Variants in MANBAL observed in about 807,000 individuals in gnomAD.
MANBAL encodes the protein protein MANBAL.
A neutral mutation model predicts 6.4 loss-of-function variants in MANBAL; 1 was observed. That is an observed-to-expected ratio of 0.16 (90% CI 0.06 to 0.74). MANBAL has a LOEUF of 0.74. MANBAL is among the 30% of genes least tolerant of loss of function. The pLI, the probability that MANBAL is intolerant of heterozygous loss-of-function variation, is 0.78. For synonymous variants in MANBAL, 47 were observed against 45.8 expected (o/e 1.03, Z -0.10); for missense variants, 100 against 107.8 (o/e 0.93, Z 0.32).
chr20:37,306,580 G>A (rs531936749), intron 2 of MANBAL, among the ~76,000 whole-genome samples: 3 of 152,344 alleles, frequency 2.0e-5, no homozygotes, highest in African/African-American at 4.8e-5. Flanking sequence ...ATTTGTTTGA[G>A]CCTGATGGAG....
chr20:37,310,222 T>C (rs749758145), intron 2 of MANBAL, among the ~76,000 whole-genome samples: 28 of 152,244 alleles, frequency 1.8e-4, no homozygotes, highest in Non-Finnish European at 3.5e-4. Flanking sequence ...TCCACATGGA[T>C]GGCCTTCCTT....
intron 2 of MANBAL, among the ~76,000 whole-genome samples, chr20:37,304,350 A>T (rs1177521283): frequency 6.6e-6 from 1 of 152,196 alleles, no homozygotes; most frequent in African/African-American, 2.4e-5. Flanking sequence ...CAAAGTCAAA[A>T]CTATATAACA....
At chr20:37,314,957 C>G (rs1226301745) in intron 2 of MANBAL, among the ~76,000 whole-genome samples, 1 of 152,220 alleles carries the variant, frequency 6.6e-6, no homozygotes, top group Non-Finnish European at 1.5e-5. Context: ...GGAAATGAAA[C>G]ACAGAGGGGT....
intron 1 of MANBAL, among the ~76,000 whole-genome samples, chr20:37,290,093 C>G (rs1179276103): frequency 3.3e-5 from 5 of 152,214 alleles, no homozygotes; most frequent in African/African-American, 1.2e-4. Flanking sequence ...TCAGTTTCGT[C>G]TTCTAAAATG....
At chr20:37,305,904 A>C (rs2069248242) in intron 2 of MANBAL, among the ~76,000 whole-genome samples, 2 of 152,108 alleles carry the variant, frequency 1.3e-5, no homozygotes, top group Admixed American at 1.3e-4. Context: ...AGGATTACAA[A>C]GAGAGGGTGG....
chr20:37,295,942 G>C (rs1404139512), intron 1 of MANBAL, among the ~76,000 whole-genome samples: 4 of 152,184 alleles, frequency 2.6e-5, no homozygotes, highest in Non-Finnish European at 4.4e-5. Context: ...CTGGCAGGAG[G>C]GCTGGGAAGT....
At chr20:37,291,394 T>A (rs906319265) in intron 1 of MANBAL, among the ~76,000 whole-genome samples, 1 of 152,214 alleles carries the variant, frequency 6.6e-6, no homozygotes, top group Non-Finnish European at 1.5e-5. Flanking sequence ...CCTGGTATTA[T>A]CCAGGGCACC....
At chr20:37,313,817 G>A (rs1049985814) in intron 2 of MANBAL, among the ~76,000 whole-genome samples, 5 of 152,202 alleles carry the variant, frequency 3.3e-5, no homozygotes, top group Admixed American at 6.5e-5. Flanking sequence ...ACAGTGAGTA[G>A]GAGTGTATTC....
chr20:37,302,413 C>T (rs2146807258), intron 2 of MANBAL: 2 of 1,499,424 alleles, frequency 1.3e-6, no homozygotes, highest in East Asian at 4.9e-5. Context: ...TTTAGAGATT[C>T]TTGGATTGAT....
At chr20:37,293,548 C>G (rs2068921266) in intron 1 of MANBAL, among the ~76,000 whole-genome samples, 2 of 152,114 alleles carry the variant, frequency 1.3e-5, no homozygotes, top group Non-Finnish European at 2.9e-5. Context: ...GCTGTGCGGC[C>G]TGGTTCCTAA....
chr20:37,305,251 G>A (rs1293819750), intron 2 of MANBAL, among the ~76,000 whole-genome samples: 1 of 152,206 alleles, frequency 6.6e-6, no homozygotes, highest in Non-Finnish European at 1.5e-5. Context: ...GGTGGCTGAT[G>A]AGGCCTGCTA....
At chr20:37,291,803 C>A (rs1052157953) in intron 1 of MANBAL, among the ~76,000 whole-genome samples, 1 of 152,252 alleles carries the variant, frequency 6.6e-6, no homozygotes, top group African/African-American at 2.4e-5. Context: ...CACACACTCT[C>A]TTGCCTGCTG....
intron 2 of MANBAL, among the ~76,000 whole-genome samples, chr20:37,308,146 C>T (rs1337718651): frequency 6.6e-6 from 1 of 152,182 alleles, no homozygotes; most frequent in Admixed American, 6.5e-5. Context: ...GTCTCAGTTC[C>T]AGCATCCCCA....
chr20:37,311,038 T>C (rs557164866), intron 2 of MANBAL, among the ~76,000 whole-genome samples: 1 of 152,278 alleles, frequency 6.6e-6, no homozygotes, highest in East Asian at 1.9e-4. Context: ...CCGCCTTTGC[T>C]TCCCTGCAGC....
chr20:37,302,353 A>G (rs1187321307), intron 2 of MANBAL: 4 of 1,549,696 alleles, frequency 2.6e-6, no homozygotes, highest in Non-Finnish European at 3.5e-6. Context: ...GGTGCTATGT[A>G]CTCCCTACTG....
In MANBAL at chr20:37,316,530, G is replaced by T; in HGVS notation, c.*115G>T. On this transcript the variant is annotated 3_prime_UTR_variant, in exon 3 of 3. Transcript: ENST00000373606. The stretch of plus-strand genomic sequence containing the variant: ...GCTCAGGGTCTGAGGAGGCTGTGAC[G>T]CCCTATGACCGCAGAGATCTAGACA... The T allele has an allele frequency of 1.2e-6, 1 of 821,722 alleles. No homozygotes were observed. Among genetic ancestry groups the T allele is most frequent in the Non-Finnish European group, 1.9e-6 (1 of 526,966 alleles). 50.9% of individuals were successfully genotyped at this position (821,722 alleles called of 1,614,324 possible). A position where few individuals can be genotyped will look rare whatever the true frequency, so the allele number is the denominator to read the frequency against.
At chr20:37,295,998 A>G (rs1027274522) in intron 1 of MANBAL, among the ~76,000 whole-genome samples, 9 of 152,244 alleles carry the variant, frequency 5.9e-5, no homozygotes, top group African/African-American at 2.2e-4. Context: ...CGTACGGCGC[A>G]CAGTGTGTGT....
chr20:37,309,412 G>A (rs1445076614), intron 2 of MANBAL, among the ~76,000 whole-genome samples: 1 of 152,128 alleles, frequency 6.6e-6, no homozygotes, highest in Non-Finnish European at 1.5e-5. Context: ...GCCTACTCTT[G>A]TGACCCCAGT....
At chr20:37,301,626 T>G (rs1468467438) in intron 2 of MANBAL, among the ~76,000 whole-genome samples, 1 of 152,254 alleles carries the variant, frequency 6.6e-6, no homozygotes, top group African/African-American at 2.4e-5. Flanking sequence ...TAGTGCCTAC[T>G]ACATTTCAGA....
Sources: gnomAD v4.1 joint callset for allele counts (sites outside exome capture counted in the v4.1 genomes callset) on GRCh38, gnomAD v4.1.1 for gene constraint, MANE v1.5 for transcripts, NCBI Gene and HGNC (gene_info 2026-07-23, HGNC 2026-07-21) for gene names.